CMIP: variants seen among roughly 807,000 people sequenced by gnomAD.
CMIP encodes c-Maf inducing protein, also known as C-Maf-inducing protein.
A neutral mutation model predicts 97.3 loss-of-function variants in CMIP; 13 were observed. That is an observed-to-expected ratio of 0.13 (90% CI 0.09 to 0.21). The LOEUF is 0.21. Among genes scored for constraint, CMIP ranks in the 10% least tolerant of loss-of-function variants. The probability of loss-of-function intolerance (pLI) is 1.00; values close to 1 mark genes in which losing one functional copy is unlikely to be tolerated. For missense variants in CMIP, 847 were observed against 1,024.9 expected (o/e 0.83, Z 2.37); for synonymous variants, 538 against 436.3 (o/e 1.23, Z -2.91).
rs1283400240 is a variant in CMIP, at chr16:81,616,636, A to T, written c.427-4240A>T. Among the ~76,000 whole-genome samples, 1 of 152,106 alleles carries T rather than the reference A, an allele frequency of 6.6e-6. No homozygotes were observed. The highest frequency in any genetic ancestry group is 1.9e-4 in the East Asian group (1 of 5,194). On this transcript the variant is annotated intron_variant, in intron 2 of 20. Coordinates refer to ENST00000537098, the MANE Select transcript of CMIP (RefSeq NM_198390.3). This position sits in a 1 kb window ranked among gnomAD's most constrained non-coding sequence, Gnocchi z 4.7. ...GCCTTCTTCCTGGACTGCCACACCG[A>T]CCTCCAAGAGTTGAGAGGATCCCAG...
chr16:81,568,024 A>AGTGT (rs555314806), intron 1 of CMIP, among the ~76,000 whole-genome samples: 3,367 of 111,452 alleles, frequency 0.03, 314 homozygotes, highest in Middle Eastern at 0.038. Context: ...TGAGCTTTTC[A>AGTGT]GTGTGTGTGT....
intron 1 of CMIP, among the ~76,000 whole-genome samples, chr16:81,483,599 T>TCCTCTCCCTCTC (rs57518433): frequency 5.5e-5 from 8 of 145,596 alleles, no homozygotes; most frequent in African/African-American, 1.8e-4. Flanking sequence ...CTCTTCCTCT[T>TCCTCTCCCTCTC]CCTCTCCCTC....
intron 1 of CMIP, among the ~76,000 whole-genome samples, chr16:81,586,246 A>G (rs1333589904): frequency 6.6e-6 from 1 of 152,194 alleles, no homozygotes; most frequent in African/African-American, 2.4e-5. Context: ...TTGATGGGAT[A>G]GTGAAATGGA....
chr16:81,504,098 G>C, intron 1 of CMIP, among the ~76,000 whole-genome samples: 1 of 152,356 alleles, frequency 6.6e-6, no homozygotes, highest in South Asian at 2.1e-4. Context: ...GGCCGAGGGA[G>C]GCAGATCACT....
intron 1 of CMIP, among the ~76,000 whole-genome samples, chr16:81,575,625 C>T (rs2091175698): frequency 1.3e-5 from 2 of 152,174 alleles, no homozygotes; most frequent in Admixed American, 1.3e-4. Flanking sequence ...GTATTGTCAC[C>T]TCCTTGGTTC....
At chr16:81,606,429 G>A (rs1011948471) in intron 1 of CMIP, among the ~76,000 whole-genome samples, 1 of 152,150 alleles carries the variant, frequency 6.6e-6, no homozygotes, top group African/African-American at 2.4e-5. Context: ...GCTTCCTGGA[G>A]CCAAAGTGAC....
At chr16:81,694,462 T>G (rs1431444247) in intron 13 of CMIP, among the ~76,000 whole-genome samples, 1 of 152,102 alleles carries the variant, frequency 6.6e-6, no homozygotes, top group East Asian at 1.9e-4. Context: ...TGGACCTTAG[T>G]CTGGAGGGTG....
intron 5 of CMIP, among the ~76,000 whole-genome samples, chr16:81,660,409 A>T (rs941872635): frequency 1.3e-4 from 19 of 151,728 alleles, no homozygotes; most frequent in Admixed American, 1.1e-3. Context: ...AGTAGCTGGG[A>T]TTACAGGGGC....
chr16:81,475,017 G>A (rs1446461918), intron 1 of CMIP, among the ~76,000 whole-genome samples: 1 of 152,198 alleles, frequency 6.6e-6, no homozygotes, highest in African/African-American at 2.4e-5. Context: ...AGTTTAAGTG[G>A]CCCTCTTCAC....
At chr16:81,604,017 A>C (rs1265309364) in intron 1 of CMIP, among the ~76,000 whole-genome samples, 3 of 152,206 alleles carry the variant, frequency 2.0e-5, no homozygotes, top group Non-Finnish European at 4.4e-5. Flanking sequence ...AAGCGGCCCA[A>C]ACACAAGTCT....
chr16:81,709,849 C>G lies in CMIP; in HGVS notation c.*50C>G, dbSNP rs772501133. 5.4e-5 allele frequency: 85 copies of G among 1,575,782 alleles called. No individual in the cohort carries two copies. In the South Asian group the frequency reaches 8.8e-4, roughly 16 times the overall value. ...CGTTTGCAACCGCGACAAAATAACT[C>G]TTGACTAACAGCCGCAGAGCAGCCG... On this transcript the variant is annotated 3_prime_UTR_variant, in exon 21 of 21. Coordinates refer to ENST00000537098, the MANE Select transcript of CMIP (RefSeq NM_198390.3).
At chr16:81,572,731 G>T (rs1032005785) in intron 1 of CMIP, among the ~76,000 whole-genome samples, 1 of 152,186 alleles carries the variant, frequency 6.6e-6, no homozygotes, top group African/African-American at 2.4e-5. Context: ...GTGGCCCACA[G>T]TCCCAGAGTC....
intron 1 of CMIP, among the ~76,000 whole-genome samples, chr16:81,536,538 G>C (rs2090346452): frequency 1.3e-5 from 2 of 152,194 alleles, no homozygotes; most frequent in Admixed American, 6.5e-5. Flanking sequence ...ATAGTGTTAA[G>C]TATATTCACA....
intron 1 of CMIP, among the ~76,000 whole-genome samples, chr16:81,473,664 T>C (rs1360906559): frequency 6.6e-6 from 1 of 151,958 alleles, no homozygotes; most frequent in Non-Finnish European, 1.5e-5. Flanking sequence ...TGATCTCAAA[T>C]CTCACTCATG....
chr16:81,575,040 C>T (rs1274358907), intron 1 of CMIP, among the ~76,000 whole-genome samples: 1 of 152,220 alleles, frequency 6.6e-6, no homozygotes, highest in Non-Finnish European at 1.5e-5. Context: ...CAGGTGTGCC[C>T]TGCTGCTTCC....
intron 1 of CMIP, among the ~76,000 whole-genome samples, chr16:81,605,446 C>T (rs2091726945): frequency 1.3e-5 from 2 of 152,236 alleles, no homozygotes; most frequent in South Asian, 4.1e-4. Flanking sequence ...CCTGCCACCA[C>T]TGTCTCCTTT....
In CMIP at chr16:81,616,000, C is replaced by T. The variant is rs149394590; in HGVS notation, c.427-4876C>T. On this transcript the variant is annotated intron_variant, in intron 2 of 20. Coordinates refer to ENST00000537098, the MANE Select transcript of CMIP (RefSeq NM_198390.3). The stretch of plus-strand genomic sequence containing the variant: ...GACCACGGCCAGCTTTCCTTCTCGT[C>T]GCACTGGGGCAGAAGGAGCCGGGCG... Among the ~76,000 whole-genome samples, 128 of 152,002 alleles carry T rather than the reference C, an allele frequency of 8.4e-4. 1 individual carries two copies. In the East Asian group the frequency reaches 0.014, roughly 17 times the overall value.
intron 1 of CMIP, among the ~76,000 whole-genome samples, chr16:81,523,737 G>A (rs1391425044): frequency 2.6e-5 from 4 of 152,318 alleles, no homozygotes; most frequent in East Asian, 1.9e-4. Context: ...CAACCACCTC[G>A]TAGCCCCTGG....
chr16:81,609,401 C>G lies in CMIP; in HGVS notation c.426+1709C>G, dbSNP rs528040902. Reference sequence around the variant, plus strand: ...CGGCGGGGGAGATGGGGCGGGCAATCACAGGGTTCAGTGGCCAACGGAGAG... The same window carrying G: ...CGGCGGGGGAGATGGGGCGGGCAATGACAGGGTTCAGTGGCCAACGGAGAG... On this transcript the variant is annotated intron_variant, in intron 2 of 20. Transcript: ENST00000537098. Among the ~76,000 whole-genome samples the G allele has an allele frequency of 7.2e-5, 11 of 152,286 alleles. No homozygotes were observed. In the South Asian group the frequency reaches 1.7e-3, roughly 23 times the overall value.
Sources: allele counts gnomAD v4.1 joint callset (sites outside exome capture counted in the v4.1 genomes callset), GRCh38; gene constraint gnomAD v4.1.1; non-coding constraint Gnocchi (gnomAD v3.1); transcripts MANE v1.5; gene names NCBI Gene and HGNC (gene_info 2026-07-23, HGNC 2026-07-21).